HDGF: variants seen among roughly 807,000 people sequenced by gnomAD.
HDGF encodes the protein hepatoma-derived growth factor.
A neutral mutation model predicts 30.0 loss-of-function variants in HDGF; 5 were observed. The ratio of observed to expected loss-of-function variants is 0.17; its 90% CI spans 0.09 to 0.35. HDGF has a LOEUF of 0.35. HDGF is among the 10% of genes least tolerant of loss of function. HDGF has a pLI of 1.00. For synonymous variants in HDGF, 133 were observed against 112.7 expected (o/e 1.18, Z -1.14); for missense variants, 214 against 302.8 (o/e 0.71, Z 2.18).
intron 1 of HDGF, among the ~76,000 whole-genome samples, chr1:156,762,292 C>T (rs925732097): frequency 6.6e-6 from 1 of 151,582 alleles, no homozygotes; most frequent in Non-Finnish European, 1.5e-5. Flanking sequence ...GCCTATAATC[C>T]TGTAATCCGA....
At chr1:156,761,904 G>A (rs992489983) in intron 1 of HDGF, among the ~76,000 whole-genome samples, 7 of 138,144 alleles carry the variant, frequency 5.1e-5, no homozygotes, top group Admixed American at 3.2e-4. Flanking sequence ...ACGAAATTGC[G>A]CCACTGCACT....
intron 1 of HDGF, among the ~76,000 whole-genome samples, chr1:156,748,645 C>T (rs912177463): frequency 2.0e-5 from 3 of 152,196 alleles, no homozygotes; most frequent in Non-Finnish European, 1.5e-5. Flanking sequence ...AAGAGTAATC[C>T]GAAGTTTTCA....
At chr1:156,745,491 T>C (rs937481145) in intron 1 of HDGF, 118 bp from the exon 2 acceptor site, 21 of 799,768 alleles carry the variant, frequency 2.6e-5, no homozygotes, top group Non-Finnish European at 3.8e-5. Flanking sequence ...CCCAGGATAG[T>C]CAGCAAGATG....
At chr1:156,744,481 A>T in intron 3 of HDGF, 133 bp from the exon 4 acceptor site, 1 of 1,543,974 alleles carries the variant, frequency 6.5e-7, no homozygotes, top group East Asian at 2.3e-5. Flanking sequence ...GCCCAGTCTC[A>T]CGAGTGATTT....
At chr1:156,752,171 G>C, upstream of HDGF, 1 of 1,551,704 alleles carries the variant, frequency 6.4e-7, no homozygotes, top group Non-Finnish European at 8.7e-7. Context: ...AGGGCGAGAG[G>C]AGTGGGCGCC....
At chr1:156,757,436 A>G (rs939786222), upstream of HDGF, among the ~76,000 whole-genome samples, 3 of 151,986 alleles carry the variant, frequency 2.0e-5, no homozygotes, top group Non-Finnish European at 4.4e-5. Flanking sequence ...ACTGCACTCC[A>G]GCCTGGGCGA....
At chr1:156,756,045 G>A (rs1457316576), upstream of HDGF, among the ~76,000 whole-genome samples, 1 of 152,224 alleles carries the variant, frequency 6.6e-6, no homozygotes, top group Non-Finnish European at 1.5e-5. Context: ...GAAGTCAGGA[G>A]TTCGAGACCA....
chr1:156,761,939 CA>C (rs112163886), intron 1 of HDGF, among the ~76,000 whole-genome samples: 7 of 128,564 alleles, frequency 5.4e-5, no homozygotes, highest in South Asian at 2.6e-4. Flanking sequence ...GTCTCCATCT[CA>C]AAAAAAAAAA....
At chr1:156,762,387 C>T (rs554698366) in intron 1 of HDGF, among the ~76,000 whole-genome samples, 6 of 151,708 alleles carry the variant, frequency 4.0e-5, no homozygotes, top group Middle Eastern at 3.4e-3. Flanking sequence ...GCCTCTTTAG[C>T]GAGACCTTGT....
chr1:156,757,548 T>A (rs1651173548), intron 2 of HDGF, among the ~76,000 whole-genome samples: 2 of 151,700 alleles, frequency 1.3e-5, no homozygotes, highest in Non-Finnish European at 2.9e-5. Flanking sequence ...ATCCCAGCAC[T>A]TTGGGAAGCC....
At chr1:156,762,000 G>A (rs906571339) in intron 1 of HDGF, among the ~76,000 whole-genome samples, 5 of 150,998 alleles carry the variant, frequency 3.3e-5, no homozygotes, top group Admixed American at 6.6e-5. Context: ...TTAGCCGGGC[G>A]TGGTGGCAAT....
intron 2 of HDGF, among the ~76,000 whole-genome samples, chr1:156,757,748 A>G (rs2102737439): frequency 1.3e-5 from 2 of 151,622 alleles, no homozygotes; most frequent in Middle Eastern, 6.8e-3. Flanking sequence ...AGCCAAGATC[A>G]TGACACTGCA....
At chr1:156,761,094 G>A (rs987612323) in intron 1 of HDGF, among the ~76,000 whole-genome samples, 2 of 151,082 alleles carry the variant, frequency 1.3e-5, no homozygotes, top group African/African-American at 4.9e-5. Flanking sequence ...GGGGGGATCA[G>A]CTGAGGTCAC....
chr1:156,744,869 C>G, intron 3 of HDGF, 139 bp downstream of exon 3: 1 of 1,025,378 alleles, frequency 9.8e-7, no homozygotes, highest in Non-Finnish European at 1.5e-6. Context: ...AGGAAGCCCC[C>G]TTCCCACCAC....
rs1216454310 is a variant in HDGF at position 156,745,104 on chromosome 1, G to A, written c.207C>T (p.Ser69=). The part of the protein sequence containing the change: ...GPKDLFPYEE[S]KEKFGKPNKR... ...TGTTGGGCTTGCCAAACTTCTCCTT[G>A]GATTCCTCGTAAGGGAAGAGGTCTT... is the stretch of plus-strand genomic sequence containing the variant. The change falls in exon 3 of 6, where the codon TCC becomes TCT. Residue 69 remains serine, a synonymous_variant. Transcript: ENST00000357325. 1 of 1,613,840 alleles carries A rather than the reference G, an allele frequency of 6.2e-7. No homozygotes were observed. The highest frequency in any genetic ancestry group is 1.1e-5 in the South Asian group (1 of 91,074).
In HDGF at chr1:156,758,608, T is replaced by TAAATAA. The variant is rs1553251127; in HGVS notation, n.373+369_373+374dup. Among the ~76,000 whole-genome samples, 116 of 91,944 alleles carry TAAATAA rather than the reference T, an allele frequency of 1.3e-3. 4 individuals are homozygous for TAAATAA. Among genetic ancestry groups the TAAATAA allele is most frequent in the African/African-American group, 3.4e-3 (81 of 24,006 alleles). 60.3% of individuals were successfully genotyped at this position (91,944 alleles called of 152,430 possible). On this transcript the variant is annotated intron_variant and non_coding_transcript_variant, in intron 2 of 7. Coordinates refer to the HDGF transcript ENST00000465180. ...ACTCCGTCTCAAAAAAAAAAATAAA[T>TAAATAA]AAATAAATAAATAAAAAAAATTAGC...
chr1:156,753,947 G>A (rs561838100), upstream of HDGF, among the ~76,000 whole-genome samples: 2 of 151,156 alleles, frequency 1.3e-5, no homozygotes, highest in East Asian at 2.0e-4. Context: ...ACGGAGTCTC[G>A]CTCTGTTCCC....
intron 1 of HDGF, among the ~76,000 whole-genome samples, chr1:156,759,888 G>C (rs191018574): frequency 3.3e-5 from 5 of 152,334 alleles, no homozygotes; most frequent in Non-Finnish European, 7.3e-5. Context: ...TCAGTCCCCT[G>C]TTGATGGGCA....
In HDGF at chr1:156,745,339, G is replaced by A. The variant is rs1650452463; in HGVS notation, c.122C>T (p.Thr41Ile). 1 of 1,613,946 alleles carries A rather than the reference G, an allele frequency of 6.2e-7. No individual in the cohort carries two copies. Among genetic ancestry groups the A allele is most frequent in the Non-Finnish European group, 8.5e-7 (1 of 1,179,974 alleles). ...AAAAAAGACTTGGTATTTGTTGGCT[G>A]TTGATTTCACGGCAGCCTCAGGCAT... ...DEMPEAAVKS[T>I]ANKYQVFFFG... The change falls in exon 2 of 6, where the codon ACA (threonine) becomes ATA (isoleucine). Residue 41 changes from threonine (T) to isoleucine (I), a missense_variant. Physicochemically the swap from Thr to Ile is moderately conservative, Grantham distance 89. This residue lies in a region of HDGF where 38 missense variants were observed against 91.1 expected (regional missense o/e 0.42). Transcript: ENST00000357325.
Sources: gnomAD v4.1 joint callset for allele counts (sites outside exome capture counted in the v4.1 genomes callset) on GRCh38, gnomAD v4.1.1 for gene constraint, gnomAD v4.1.1 regional missense constraint, MANE v1.5 for transcripts, NCBI Gene and HGNC (gene_info 2026-07-23, HGNC 2026-07-21) for gene names.